CCM2: variants seen among roughly 807,000 people sequenced by gnomAD.
CCM2 encodes cerebral cavernous malformations 2 protein.
A neutral mutation model predicts 44.9 loss-of-function variants in CCM2; 25 were observed. The observed-to-expected ratio is 0.56, with a 90% confidence interval of 0.41 to 0.78. The LOEUF (loss-of-function observed/expected upper bound fraction) is 0.78. Ranked by LOEUF, CCM2 falls within the 30% of genes least tolerant of loss-of-function variation. CCM2 has a pLI of 0.00. For missense variants in CCM2, 481 were observed against 580.6 expected (o/e 0.83, Z 1.76); for synonymous variants, 219 against 241.1 (o/e 0.91, Z 0.85).
At chr7:45,065,369 G>C (rs890837270) in intron 4 of CCM2, among the ~76,000 whole-genome samples, 5 of 152,210 alleles carry the variant, frequency 3.3e-5, no homozygotes, top group African/African-American at 1.2e-4. Flanking sequence ...TGTTGCAGTG[G>C]GGACAGTATC....
chr7:45,004,306 T>C (rs767833619), intron 1 of CCM2, among the ~76,000 whole-genome samples: 11 of 152,218 alleles, frequency 7.2e-5, no homozygotes, highest in Non-Finnish European at 1.5e-4. Flanking sequence ...TTCTGAGATA[T>C]TTGTAGGTGA....
intron 6 of CCM2, chr7:45,071,992 C>G: frequency 5.2e-6 from 2 of 382,140 alleles, no homozygotes; most frequent in Non-Finnish European, 1.0e-5. Context: ...TTACCTTGTT[C>G]CTAGTGCCAG....
At chr7:45,071,843 A>G (rs953700745) in intron 6 of CCM2, 2 of 456,442 alleles carry the variant, frequency 4.4e-6, no homozygotes, top group Non-Finnish European at 8.8e-6. Flanking sequence ...AGCCCACCCA[A>G]ATTCTCCAGG....
intron 7 of CCM2, 153 bp from the exon 8 acceptor site, chr7:45,073,307 C>A: frequency 1.5e-6 from 1 of 663,970 alleles, no homozygotes; most frequent in Admixed American, 2.1e-5. Flanking sequence ...CCTGCATGCC[C>A]AGTCAGCTCT....
At chr7:45,023,357 C>G (rs577824209) in intron 1 of CCM2, among the ~76,000 whole-genome samples, 1 of 152,154 alleles carries the variant, frequency 6.6e-6, no homozygotes, top group African/African-American at 2.4e-5. Context: ...CGAGACCAGC[C>G]TGGCCAACAT....
At chr7:45,071,815 A>G in intron 6 of CCM2, 1 of 456,368 alleles carries the variant, frequency 2.2e-6, no homozygotes, top group South Asian at 1.5e-5. Flanking sequence ...GCATTTCAGG[A>G]CTCTTGCAAT....
chr7:45,000,982 G>T (rs1157333477), intron 1 of CCM2, among the ~76,000 whole-genome samples: 2 of 152,238 alleles, frequency 1.3e-5, no homozygotes, highest in African/African-American at 4.8e-5. Context: ...CTGGAAAAAC[G>T]ATGTGGATTG....
At chr7:45,010,733 G>T (rs1012465627) in intron 1 of CCM2, among the ~76,000 whole-genome samples, 1 of 152,082 alleles carries the variant, frequency 6.6e-6, no homozygotes, top group Non-Finnish European at 1.5e-5. Flanking sequence ...GAGTAGGTGG[G>T]ATTATAGGTG....
chr7:45,043,628 C>CAAAA, intron 2 of CCM2: 2 of 285,742 alleles, frequency 7.0e-6, no homozygotes, highest in African/African-American at 2.7e-5. Context: ...GACTCCATCC[C>CAAAA]AAAAAAAAAA....
In CCM2 at chr7:45,062,262, C is replaced by T. The variant is rs80272878; in HGVS notation, c.205-1656C>T. Among the ~76,000 whole-genome samples the T allele has an allele frequency of 7.9e-3, 1,203 of 152,194 alleles. 17 individuals are homozygous for T. Among genetic ancestry groups the T allele is most frequent in the African/African-American group, 0.027 (1,129 of 41,510 alleles). Reference sequence around the variant, plus strand: ...GAACTTAACTGTGTGAGGTAATGAACAACTGAGAAATGTTGAGTGCAAGAA... The same window carrying T: ...GAACTTAACTGTGTGAGGTAATGAATAACTGAGAAATGTTGAGTGCAAGAA... On this transcript the variant is annotated intron_variant, in intron 2 of 9. Transcript: ENST00000258781.
At chr7:45,075,742 C>G in intron 9 of CCM2, 35 bp from the exon 10 acceptor site, 1 of 1,613,192 alleles carries the variant, frequency 6.2e-7, no homozygotes, top group Non-Finnish European at 8.5e-7. Context: ...CTGAGCCGAA[C>G]TGGAGGTGCC....
rs1255936183 is a variant in CCM2, at chr7:45,000,252, G to T, written c.-82G>T. On this transcript the variant is annotated 5_prime_UTR_variant, in exon 1 of 10. Transcript: ENST00000258781. ...GGCGCCGGGAGCGCGGGGGCGGCGG[G>T]CCCGGGTCGAGCATGTAGCGGCTGC... 3 of 898,666 alleles carry T rather than the reference G, an allele frequency of 3.3e-6. No homozygotes were observed. The highest frequency in any genetic ancestry group is 4.1e-6 in the Non-Finnish European group (3 of 733,206). 55.7% of individuals were successfully genotyped at this position (898,666 alleles called of 1,614,324 possible).
intron 7 of CCM2, chr7:45,073,085 G>A (rs768358690): frequency 3.4e-6 from 2 of 587,172 alleles, no homozygotes; most frequent in Admixed American, 2.9e-5. Flanking sequence ...CTGCCGAGGC[G>A]CTGGCCTTCC....
At chr7:45,017,793 G>T (rs183217187) in intron 1 of CCM2, among the ~76,000 whole-genome samples, 1 of 152,274 alleles carries the variant, frequency 6.6e-6, no homozygotes, top group East Asian at 1.9e-4. Context: ...ATCTTGTCAT[G>T]GCTGGAACCA....
At chr7:45,007,392 T>G (rs1795889395) in intron 1 of CCM2, among the ~76,000 whole-genome samples, 1 of 152,230 alleles carries the variant, frequency 6.6e-6, no homozygotes, top group Non-Finnish European at 1.5e-5. Context: ...TTTTTTATCT[T>G]TCAATCAAGA....
At chr7:45,020,205 G>A (rs1192136774) in intron 1 of CCM2, among the ~76,000 whole-genome samples, 1 of 152,090 alleles carries the variant, frequency 6.6e-6, no homozygotes, top group Non-Finnish European at 1.5e-5. Context: ...TCTTTCAAGG[G>A]TCATATAAAT....
intron 4 of CCM2, among the ~76,000 whole-genome samples, chr7:45,065,534 A>G (rs62458152): frequency 0.085 from 12,992 of 152,260 alleles, 673 homozygotes; most frequent in Middle Eastern, 0.16. Flanking sequence ...GTTCCACTTA[A>G]GGTCAGTAGT....
intron 1 of CCM2, among the ~76,000 whole-genome samples, chr7:45,036,474 T>C (rs999666390): frequency 6.6e-6 from 1 of 152,184 alleles, no homozygotes; most frequent in African/African-American, 2.4e-5. Flanking sequence ...TTATTTACTT[T>C]TCCCGCTAAT....
chr7:45,019,263 T>C (rs1661020937), intron 1 of CCM2, among the ~76,000 whole-genome samples: 2 of 151,962 alleles, frequency 1.3e-5, no homozygotes, highest in Admixed American at 1.3e-4. Context: ...TAAATATAGA[T>C]GGAATCTCAG....
Sources: gnomAD v4.1 joint callset for allele counts (sites outside exome capture counted in the v4.1 genomes callset) on GRCh38, gnomAD v4.1.1 for gene constraint, MANE v1.5 for transcripts, NCBI Gene and HGNC (gene_info 2026-07-23, HGNC 2026-07-21) for gene names.